Variants in POLR3E observed in about 807,000 individuals in gnomAD.
POLR3E encodes DNA-directed RNA polymerase III subunit RPC5.
Under a neutral mutation model 96.6 loss-of-function variants are expected in POLR3E, and 41 were observed. That is an observed-to-expected ratio of 0.42 (90% CI 0.33 to 0.55). The LOEUF is 0.55. POLR3E is among the 20% of genes least tolerant of loss of function. The probability of loss-of-function intolerance (pLI) is 0.06; values close to 1 mark genes in which losing one functional copy is unlikely to be tolerated. For synonymous variants in POLR3E, 396 were observed against 383.6 expected, an observed-to-expected ratio of 1.03 and a Z score of -0.38; for missense variants, 849 against 952.1, an observed-to-expected ratio of 0.89 and a Z score of 1.43.
At chr16:22,329,678 C>CA (rs909218023) in intron 19 of POLR3E, among the ~76,000 whole-genome samples, 1 of 151,882 alleles carries the variant, frequency 6.6e-6, no homozygotes, top group South Asian at 2.1e-4. Flanking sequence ...AACAAAAAGG[C>CA]AAAAAAACAA....
chr16:22,300,838 G>A (rs1003834622), intron 1 of POLR3E, among the ~76,000 whole-genome samples: 1 of 152,142 alleles, frequency 6.6e-6, no homozygotes, highest in Non-Finnish European at 1.5e-5. Context: ...CATTCCCATG[G>A]TTCATTTATT....
intron 1 of POLR3E, among the ~76,000 whole-genome samples, chr16:22,300,619 G>A (rs1252875868): frequency 6.6e-6 from 1 of 151,458 alleles, no homozygotes; most frequent in Non-Finnish European, 1.5e-5. Flanking sequence ...TGCAGATGGG[G>A]TGAGGCCTTG....
intron 1 of POLR3E, among the ~76,000 whole-genome samples, chr16:22,298,450 CA>C (rs2047943941): frequency 1.3e-5 from 2 of 152,282 alleles, no homozygotes; most frequent in South Asian, 4.1e-4. Flanking sequence ...TCCTTCCCCG[CA>C]GGGGTCTGGA....
chr16:22,311,586 G>A (rs1252463752), intron 6 of POLR3E, among the ~76,000 whole-genome samples: 1 of 151,578 alleles, frequency 6.6e-6, no homozygotes, highest in East Asian at 1.9e-4. Flanking sequence ...TCTATCTCCT[G>A]AGCTCAAGCA....
intron 13 of POLR3E, 55 bp downstream of exon 13, chr16:22,319,001 C>A: frequency 7.4e-7 from 1 of 1,357,080 alleles, no homozygotes; most frequent in Non-Finnish European, 1.0e-6. Flanking sequence ...TGAGGCAGAG[C>A]TTCACTCTTG....
Position 22,317,022 on chromosome 16 carries a change from C to G in POLR3E, c.756C>G (p.Pro252=), listed in dbSNP as rs2048369883. 1.2e-6 allele frequency: 2 copies of G among 1,614,074 alleles called. No homozygotes were observed. The highest frequency in any genetic ancestry group is 1.7e-6 in the Non-Finnish European group (2 of 1,180,016). The change falls in exon 11 of 21, where the codon CCC becomes CCG. Residue 252 remains proline, a synonymous_variant. Transcript: ENST00000299853. The part of the protein sequence containing the change: ...PSEYLMMLMP[P]SQEEEKDKPV... The stretch of plus-strand genomic sequence containing the variant: ...AGTACCTGATGATGCTGATGCCACC[C>G]AGCCAGGAGGAGGAGAAGTGAGTAG...
At chr16:22,305,228 A>T in intron 3 of POLR3E, 22 bp downstream of exon 3, 1 of 1,580,942 alleles carries the variant, frequency 6.3e-7, no homozygotes, top group Non-Finnish European at 8.7e-7. Context: ...ACTTGAAGGT[A>T]AAGAGGGGAG....
At chr16:22,311,609 C>T (rs978882782) in intron 6 of POLR3E, among the ~76,000 whole-genome samples, 1 of 151,864 alleles carries the variant, frequency 6.6e-6, no homozygotes, top group Admixed American at 6.6e-5. Flanking sequence ...TGCCTTCCCT[C>T]AGTCTCCTGA....
intron 19 of POLR3E, among the ~76,000 whole-genome samples, chr16:22,330,988 C>CTTTTTT (rs56100056): frequency 0.01 from 509 of 50,778 alleles, 187 homozygotes; most frequent in South Asian, 0.02. Flanking sequence ...ATGAAGCATC[C>CTTTTTT]TTTTTTTTTT....
intron 6 of POLR3E, among the ~76,000 whole-genome samples, chr16:22,312,790 C>T (rs1463052089): frequency 2.2e-5 from 3 of 134,332 alleles, no homozygotes; most frequent in East Asian, 2.5e-4. Flanking sequence ...TCACTTGAAC[C>T]GGGGAGGTGG....
rs771380330 is a variant in POLR3E at position 22,324,368 on chromosome 16, G to A, written c.1083G>A (p.Thr361=). 1.0e-4 allele frequency: 162 copies of A among 1,612,658 alleles called. 1 individual carries two copies. The highest frequency in any genetic ancestry group is 5.4e-4 in the South Asian group (49 of 91,032). Residue 361 remains threonine (T), a synonymous_variant, in exon 15 of 21, where the codon ACG becomes ACA. Transcript: ENST00000299853. The part of the protein sequence containing the change: ...RGRDFVMWKF[T]QSRWVVRKEV... ...TTCTCCCTCAGATGTGGAAGTTCAC[G>A]CAGAGCCGCTGGGTGGTTAGGAAAG...
chr16:22,311,900 A>G (rs922198043), intron 6 of POLR3E, among the ~76,000 whole-genome samples: 2 of 152,206 alleles, frequency 1.3e-5, no homozygotes, highest in South Asian at 2.1e-4. Context: ...AGGCCATACC[A>G]TAGAGCCGAG....
Position 22,335,038 on chromosome 16 carries a change from G to A in POLR3E, c.*1338G>A, listed in dbSNP as rs922102380. On this transcript the variant is annotated 3_prime_UTR_variant, in exon 21 of 21. Coordinates refer to ENST00000299853, the MANE Select transcript of POLR3E (RefSeq NM_018119.4). ...ATTTGGTAACATCACTTAACAAGTT[G>A]ATCGTGTATTGATTCTGTTAACATA... 1.3e-5 allele frequency: 2 copies of A among 152,258 alleles called. No homozygotes were observed. Among genetic ancestry groups the A allele is most frequent in the African/African-American group, 4.8e-5 (2 of 41,464 alleles). 9.4% of individuals were successfully genotyped at this position (152,258 alleles called of 1,614,324 possible).
chr16:22,302,841 C>G, intron 1 of POLR3E, 90 bp from the exon 2 acceptor site: 2 of 873,614 alleles, frequency 2.3e-6, no homozygotes, highest in South Asian at 2.8e-5. Context: ...TTGTGGGCTC[C>G]CCCTCCCAGT....
rs150960440 is a variant in POLR3E at position 22,322,871 on chromosome 16, C to T, written c.1008C>T (p.Asp336=). 2.5e-6 allele frequency: 4 copies of T among 1,613,366 alleles called. No homozygotes were observed. Among genetic ancestry groups the T allele is most frequent in the South Asian group, 1.1e-5 (1 of 91,056 alleles). Residue 336 remains aspartate, a synonymous_variant, in exon 14 of 21, where the codon GAC becomes GAT. Coordinates refer to ENST00000299853, the MANE Select transcript of POLR3E (RefSeq NM_018119.4). This position sits in a 1 kb window ranked among gnomAD's most constrained non-coding sequence, Gnocchi z 5.2. The stretch of plus-strand genomic sequence containing the variant: ...GCAGTGACATCCTATACCCCAAGGA[C>T]TCGTCCAGCCCTCACAGCGGCGTGC... ...VVKSDILYPK[D]SSSPHSGVPA...
intron 1 of POLR3E, chr16:22,299,074 A>C: frequency 2.2e-6 from 1 of 456,110 alleles, no homozygotes; most frequent in Non-Finnish European, 4.4e-6. Flanking sequence ...CAAGGAAAGA[A>C]AACAGAGATG....
intron 9 of POLR3E, 152 bp downstream of exon 9, chr16:22,315,360 T>A: frequency 1.3e-6 from 1 of 794,168 alleles, no homozygotes; most frequent in Admixed American, 2.9e-5. Flanking sequence ...TACACTTCAC[T>A]CCAGCCGAGC....
intron 6 of POLR3E, among the ~76,000 whole-genome samples, chr16:22,311,058 C>T (rs548382918): frequency 1.2e-4 from 18 of 152,238 alleles, no homozygotes; most frequent in Admixed American, 7.2e-4. Context: ...CTCTGCCTTC[C>T]GGTTTCAAGC....
chr16:22,301,164 TAGAGCAG>T (rs1441902975), intron 1 of POLR3E, among the ~76,000 whole-genome samples: 1 of 131,616 alleles, frequency 7.6e-6, no homozygotes, highest in Admixed American at 7.5e-5. Flanking sequence ...ATCGGGGGGG[TAGAGCAG>T]CTACAAAGCC....
Sources: gnomAD v4.1 joint callset for allele counts (sites outside exome capture counted in the v4.1 genomes callset) on GRCh38, gnomAD v4.1.1 for gene constraint, Gnocchi (gnomAD v3.1) non-coding constraint, MANE v1.5 for transcripts, NCBI Gene and HGNC (gene_info 2026-07-23, HGNC 2026-07-21) for gene names.